Variants in FMO5 observed in about 807,000 individuals in gnomAD.
FMO5 encodes flavin-containing monooxygenase 5.
Under a neutral mutation model 43.6 loss-of-function variants are expected in FMO5, and 51 were observed. The ratio of observed to expected loss-of-function variants is 1.17; its 90% CI spans 0.93 to 1.48. The LOEUF (loss-of-function observed/expected upper bound fraction) is 1.48, where lower values mean the gene tolerates loss of function less well. Among genes scored for constraint, FMO5 ranks in the 40% most tolerant of loss-of-function variants. FMO5 has a pLI of 0.00. For synonymous variants in FMO5, 187 were observed against 216.5 expected (o/e 0.86, Z 1.20); for missense variants, 644 against 643.0 (o/e 1.00, Z -0.02).
chr1:147,200,760 A>G (rs1009845506), intron 7 of FMO5, among the ~76,000 whole-genome samples: 1 of 152,038 alleles, frequency 6.6e-6, no homozygotes, highest in African/African-American at 2.4e-5. Context: ...TTTATCTATA[A>G]TGAAAGAAGA....
chr1:147,212,473 T>C lies in FMO5; in HGVS notation c.550A>G (p.Thr184Ala), dbSNP rs1553923929. 2 of 1,613,128 alleles carry C rather than the reference T, an allele frequency of 1.2e-6. No individual in the cohort carries two copies. The highest frequency in any genetic ancestry group is 1.7e-6 in the Non-Finnish European group (2 of 1,179,070). The change falls in exon 5 of 9, where the codon ACT (threonine) becomes GCT (alanine). Residue 184 changes from threonine to alanine, a missense_variant. Coordinates refer to ENST00000254090, the MANE Select transcript of FMO5 (RefSeq NM_001461.4). ...SRDYKNPEGF[T>A]GKRVIIIGIG... ...CCAATTATAATGACTCTCTTTCCAG[T>C]GAATCCCTCTGGGTTCTTATAGTCT...
intron 8 of FMO5, 126 bp downstream of exon 8, chr1:147,190,051 C>T: frequency 1.2e-5 from 7 of 603,108 alleles, no homozygotes; most frequent in Admixed American, 3.0e-5. Flanking sequence ...ATTATTTTTC[C>T]TTTTTTCTTC....
At chr1:147,202,672 G>C (rs1264792913) in intron 6 of FMO5, among the ~76,000 whole-genome samples, 3 of 152,164 alleles carry the variant, frequency 2.0e-5, no homozygotes, top group Admixed American at 6.5e-5. Flanking sequence ...AGACAGAGCT[G>C]TCCTGGCCTC....
chr1:147,193,345 C>G (rs185407180), intron 7 of FMO5, among the ~76,000 whole-genome samples: 9 of 152,004 alleles, frequency 5.9e-5, no homozygotes, highest in Non-Finnish European at 1.3e-4. Flanking sequence ...TCTGTGGGAT[C>G]GGTGGTGATA....
chr1:147,190,829 C>T (rs1247120607), intron 7 of FMO5, among the ~76,000 whole-genome samples: 1 of 151,924 alleles, frequency 6.6e-6, no homozygotes, highest in Non-Finnish European at 1.5e-5. Context: ...GCTATCCCTC[C>T]CCACTACCCC....
In FMO5 at chr1:147,186,885, G is replaced by A. The variant is rs1553917167; in HGVS notation, c.*15C>T. Reference sequence around the variant, plus strand: ...AAGCTTCCCAATGAAAAACAGGGCAGTGACAATAGGACAACTAGAAGTAAG... The same window carrying A: ...AAGCTTCCCAATGAAAAACAGGGCAATGACAATAGGACAACTAGAAGTAAG... On this transcript the variant is annotated 3_prime_UTR_variant, in exon 9 of 9. Transcript: ENST00000254090. The A allele has an allele frequency of 1.9e-6, 3 of 1,598,276 alleles. No individual in the cohort carries two copies. The highest frequency in any genetic ancestry group is 2.6e-6 in the Non-Finnish European group (3 of 1,171,878).
chr1:147,219,840 C>CTTTTTTTT (rs71083821), intron 2 of FMO5, among the ~76,000 whole-genome samples: 1 of 132,898 alleles, frequency 7.5e-6, no homozygotes, highest in Non-Finnish European at 1.6e-5. Flanking sequence ...ATGTTAATTG[C>CTTTTTTTT]TTTTTTTTTT....
intron 6 of FMO5, 44 bp from the exon 7 acceptor site, chr1:147,201,548 G>A: frequency 1.3e-6 from 2 of 1,491,024 alleles, no homozygotes; most frequent in South Asian, 2.4e-5. Flanking sequence ...GAGAGAAAGA[G>A]AAATCAGTAC....
At chr1:147,188,946 G>GA (rs1383977607) in intron 8 of FMO5, among the ~76,000 whole-genome samples, 1 of 152,090 alleles carries the variant, frequency 6.6e-6, no homozygotes, top group East Asian at 1.9e-4. Flanking sequence ...GTAGTGAGAA[G>GA]AAGGAAAATG....
At chr1:147,218,087 C>T (rs1662324346) in intron 2 of FMO5, among the ~76,000 whole-genome samples, 1 of 152,134 alleles carries the variant, frequency 6.6e-6, no homozygotes, top group East Asian at 1.9e-4. Flanking sequence ...ATATGTATCT[C>T]CCAAAATTTT....
chr1:147,212,786 G>C (rs1661298422), intron 4 of FMO5, among the ~76,000 whole-genome samples: 1 of 151,980 alleles, frequency 6.6e-6, no homozygotes, highest in African/African-American at 2.4e-5. Context: ...TTTGGATTTA[G>C]AGATATAAAT....
In FMO5 at chr1:147,201,158, A is replaced by T. The variant is rs1301044606; in HGVS notation, c.1177T>A (p.Phe393Ile). 6.2e-7 allele frequency: 1 copy of T among 1,609,118 alleles called. No homozygotes were observed. The highest frequency in any genetic ancestry group is 1.3e-5 in the African/African-American group (1 of 74,620). Residue 393 changes from phenylalanine to isoleucine, a missense_variant, in exon 7 of 9, where the codon TTT becomes ATT. Phe to Ile is a conservative substitution (Grantham distance 21). Transcript: ENST00000254090. ...TATTTGCATGGTCACTTACCTTTAA[A>T]TACCTGAGTGGCCCAGCGTCCTTGG... The part of the protein sequence containing the change: ...ELQGRWATQV[F>I]KGLKTLPSQS...
At chr1:147,217,267 A>G (rs1662184160) in intron 2 of FMO5, among the ~76,000 whole-genome samples, 1 of 152,210 alleles carries the variant, frequency 6.6e-6, no homozygotes, top group Admixed American at 6.5e-5. Context: ...AAAAGAAAAA[A>G]AAACTTCCTA....
At chr1:147,218,577 C>A (rs782482982) in intron 2 of FMO5, among the ~76,000 whole-genome samples, 2 of 152,164 alleles carry the variant, frequency 1.3e-5, no homozygotes, top group African/African-American at 4.8e-5. Flanking sequence ...CCATGGGTAT[C>A]CTGATAAATA....
chr1:147,215,785 T>G lies in FMO5; in HGVS notation c.293A>C (p.Glu98Ala). The change falls in exon 3 of 9, where the codon GAA becomes GCA. Residue 98 changes from glutamate (E) to alanine (A), a missense_variant. Transcript: ENST00000254090. ...VLEYFRMYAK[E>A]FDLLKYIRFK... Reference sequence around the variant, plus strand: ...TCGAATATACTTTAGAAGGTCAAATTCTTTGGCATACATCCTGAAATACTC... The same window carrying G: ...TCGAATATACTTTAGAAGGTCAAATGCTTTGGCATACATCCTGAAATACTC... 7 of 1,609,908 alleles carry G rather than the reference T, an allele frequency of 4.3e-6. No individual in the cohort carries two copies. Among genetic ancestry groups the G allele is most frequent in the Non-Finnish European group, 5.9e-6 (7 of 1,178,896 alleles).
intron 7 of FMO5, 152 bp from the exon 8 acceptor site, chr1:147,190,401 C>A: frequency 1.8e-6 from 1 of 561,696 alleles, no homozygotes. Flanking sequence ...ACCTTACCAC[C>A]ACCACAATAT....
At chr1:147,195,180 C>A (rs1657743011) in intron 7 of FMO5, among the ~76,000 whole-genome samples, 1 of 152,144 alleles carries the variant, frequency 6.6e-6, no homozygotes, top group Non-Finnish European at 1.5e-5. Flanking sequence ...CACATAGTCC[C>A]ATATTCCTTG....
chr1:147,190,370 G>A (rs1553918198), intron 7 of FMO5, 121 bp from the exon 8 acceptor site: 2 of 620,638 alleles, frequency 3.2e-6, no homozygotes, highest in Non-Finnish European at 5.6e-6. Flanking sequence ...TGTACTCAAG[G>A]AGGTTACAAT....
chr1:147,197,245 T>G (rs1390048414), intron 7 of FMO5, among the ~76,000 whole-genome samples: 1 of 152,190 alleles, frequency 6.6e-6, no homozygotes. Context: ...TGGTCAATAT[T>G]TCCTTGTCCT....
Sources: gnomAD v4.1 joint callset for allele counts (sites outside exome capture counted in the v4.1 genomes callset) on GRCh38, gnomAD v4.1.1 for gene constraint, MANE v1.5 for transcripts, NCBI Gene and HGNC (gene_info 2026-07-23, HGNC 2026-07-21) for gene names.